ZFAND6: variants seen among roughly 807,000 people sequenced by gnomAD.
ZFAND6 encodes zinc finger AN1-type containing 6, also known as AN1-type zinc finger protein 6.
ZFAND6 carries 12 observed loss-of-function variants against 24.5 expected under a neutral mutation model. That is an observed-to-expected ratio of 0.49 (90% confidence interval 0.31 to 0.79). The LOEUF (loss-of-function observed/expected upper bound fraction) is 0.79. Among genes scored for constraint, ZFAND6 ranks in the 30% least tolerant of loss-of-function variants. ZFAND6 has a pLI of 0.04. For synonymous variants in ZFAND6, 92 were observed against 81.5 expected (o/e 1.13, Z -0.69); for missense variants, 207 against 245.9 (o/e 0.84, Z 1.06).
chr15:80,103,608 G>A (rs1194710193), intron 2 of ZFAND6, among the ~76,000 whole-genome samples: 1 of 152,150 alleles, frequency 6.6e-6, no homozygotes, highest in Non-Finnish European at 1.5e-5. Context: ...AAATTTTTTA[G>A]CCATCTGAGC....
intron 1 of ZFAND6, among the ~76,000 whole-genome samples, chr15:80,067,018 T>G (rs1008452452): frequency 6.6e-6 from 1 of 152,140 alleles, no homozygotes; most frequent in Non-Finnish European, 1.5e-5. Context: ...AGTTCTAAAA[T>G]CAAGAAGTTG....
At chr15:80,101,970 T>C (rs1338643380) in intron 2 of ZFAND6, among the ~76,000 whole-genome samples, 1 of 151,692 alleles carries the variant, frequency 6.6e-6, no homozygotes, top group East Asian at 1.9e-4. Context: ...TTTTTTGTAT[T>C]TTTTAGTAGA....
intron 1 of ZFAND6, among the ~76,000 whole-genome samples, chr15:80,061,479 A>G (rs569192752): frequency 1.3e-5 from 2 of 152,242 alleles, no homozygotes; most frequent in African/African-American, 4.8e-5. Flanking sequence ...CATTACTAAA[A>G]CTTGCATTTG....
rs1298055902 is a variant in ZFAND6 at position 80,131,311 on chromosome 15, A to C, written c.478+18A>C. 2 of 1,594,976 alleles carry C rather than the reference A, an allele frequency of 1.3e-6. No individual in the cohort carries two copies. Among genetic ancestry groups the C allele is most frequent in the Admixed American group, 3.4e-5 (2 of 59,600 alleles). On this transcript the variant is annotated intron_variant, in intron 6 of 6. Transcript: ENST00000261749. ...ACTTACTGGTAAGGACCTAAATCAAATGTTTAAAATTAAAATGATGTTTTA... is the reference window on the plus strand; with the variant it reads ...ACTTACTGGTAAGGACCTAAATCAACTGTTTAAAATTAAAATGATGTTTTA...
intron 2 of ZFAND6, among the ~76,000 whole-genome samples, chr15:80,119,473 G>A (rs192906911): frequency 5.9e-5 from 9 of 151,670 alleles, no homozygotes; most frequent in East Asian, 1.9e-4. Flanking sequence ...TATAGTATAC[G>A]CATTTCATAT....
At chr15:80,059,878 AC>A (rs2036225041) in intron 1 of ZFAND6, 69 bp downstream of exon 1, 1 of 150,082 alleles carries the variant, frequency 6.7e-6, no homozygotes, top group African/African-American at 2.4e-5. Context: ...CCCTTCCCCC[AC>A]CCGGCTGCAG....
intron 2 of ZFAND6, among the ~76,000 whole-genome samples, chr15:80,099,325 T>C (rs2038906865): frequency 6.6e-6 from 1 of 152,180 alleles, no homozygotes; most frequent in African/African-American, 2.4e-5. Context: ...TGGATGTTTT[T>C]TCTCTCTCTT....
intron 1 of ZFAND6, among the ~76,000 whole-genome samples, chr15:80,062,185 T>G (rs75898993): frequency 0.013 from 2,054 of 152,336 alleles, 37 homozygotes; most frequent in African/African-American, 0.047. Context: ...CTCTTGTGCC[T>G]TAGCATACTC....
intron 1 of ZFAND6, among the ~76,000 whole-genome samples, chr15:80,087,424 G>A (rs945037588): frequency 6.6e-6 from 1 of 152,120 alleles, no homozygotes; most frequent in African/African-American, 2.4e-5. Flanking sequence ...ACTCTGATTT[G>A]GAATGCTTAA....
Position 80,117,227 on chromosome 15 carries a change from C to CTT in ZFAND6, c.-17-3089_-17-3088dup, listed in dbSNP as rs200010368. 4.9e-4 allele frequency among the ~76,000 whole-genome samples: 72 copies of CTT among 146,030 alleles called. No individual in the cohort carries two copies. In the East Asian group the frequency reaches 7.8e-3, roughly 16 times the overall value. ...TTTACAAAAATATCTACTGAATACTCTTTTTTTTTTTTTGAGACGGAGTCT... is the reference window on the plus strand; with the variant it reads ...TTTACAAAAATATCTACTGAATACTCTTTTTTTTTTTTTTTGAGACGGAGTCT... On this transcript the variant is annotated intron_variant, in intron 2 of 6. Coordinates refer to ENST00000261749, the MANE Select transcript of ZFAND6 (RefSeq NM_019006.4).
intron 1 of ZFAND6, among the ~76,000 whole-genome samples, chr15:80,072,119 C>G (rs915660455): frequency 1.3e-5 from 2 of 152,070 alleles, no homozygotes; most frequent in East Asian, 3.8e-4. Flanking sequence ...GTTTGTTCCT[C>G]TTAGCAACAT....
At chr15:80,093,322 A>T (rs2038505400) in intron 1 of ZFAND6, among the ~76,000 whole-genome samples, 2 of 152,122 alleles carry the variant, frequency 1.3e-5, no homozygotes, top group African/African-American at 4.8e-5. Context: ...CTCTTTAGGA[A>T]CTTGAATTAT....
Position 80,120,401 on chromosome 15 carries a change from A to T in ZFAND6, c.57A>T (p.Gly19=), listed in dbSNP as rs767817927. The T allele has an allele frequency of 4.4e-6, 7 of 1,606,766 alleles. No individual in the cohort carries two copies. Among genetic ancestry groups the T allele is most frequent in the Non-Finnish European group, 6.0e-6 (7 of 1,175,210 alleles). ...CTATGCTTTGTTCCACTGGCTGTGG[A>T]TTTTATGGAAACCCTCGTACAAATG... is the stretch of plus-strand genomic sequence containing the variant. The part of the protein sequence containing the change: ...QVPMLCSTGC[G]FYGNPRTNGM... Residue 19 remains glycine, a synonymous_variant, in exon 3 of 7, where the codon GGA becomes GGT. Coordinates refer to ENST00000261749, the MANE Select transcript of ZFAND6 (RefSeq NM_019006.4).
At chr15:80,106,099 ATAGC>A (rs1001513690) in intron 2 of ZFAND6, among the ~76,000 whole-genome samples, 11 of 152,226 alleles carry the variant, frequency 7.2e-5, no homozygotes, top group African/African-American at 2.7e-4. Context: ...ACAGTGTTTA[ATAGC>A]TAGCGGAGTG....
At chr15:80,062,401 TTTAGA>T (rs1174344296) in intron 1 of ZFAND6, among the ~76,000 whole-genome samples, 1 of 152,178 alleles carries the variant, frequency 6.6e-6, no homozygotes. Flanking sequence ...TTAAATATGT[TTTAGA>T]TTAGAGAATG....
chr15:80,067,631 A>T (rs2036720185), intron 1 of ZFAND6, among the ~76,000 whole-genome samples: 1 of 152,152 alleles, frequency 6.6e-6, no homozygotes, highest in African/African-American at 2.4e-5. Context: ...CCTCATTTGT[A>T]TTAGTCACAT....
At chr15:80,064,725 C>T (rs2036520908) in intron 1 of ZFAND6, among the ~76,000 whole-genome samples, 3 of 152,260 alleles carry the variant, frequency 2.0e-5, no homozygotes, top group African/African-American at 7.2e-5. Context: ...ACTGAGGCCT[C>T]TACTTCCTGG....
chr15:80,061,248 A>G (rs1275543308), intron 1 of ZFAND6, among the ~76,000 whole-genome samples: 1 of 152,194 alleles, frequency 6.6e-6, no homozygotes, highest in Non-Finnish European at 1.5e-5. Flanking sequence ...GGGTCGGTGG[A>G]TTTATTATCT....
intron 1 of ZFAND6, among the ~76,000 whole-genome samples, chr15:80,064,454 G>T (rs770668124): frequency 6.6e-6 from 1 of 151,806 alleles, no homozygotes; most frequent in Non-Finnish European, 1.5e-5. Context: ...CTGGATATTG[G>T]ACATCTTCTA....
Sources: allele counts gnomAD v4.1 joint callset (sites outside exome capture counted in the v4.1 genomes callset), GRCh38; gene constraint gnomAD v4.1.1; transcripts MANE v1.5; gene names NCBI Gene and HGNC (gene_info 2026-07-23, HGNC 2026-07-21).